SND1: variants seen among roughly 807,000 people sequenced by gnomAD.
SND1 encodes staphylococcal nuclease domain-containing protein 1.
Under a neutral mutation model 121.7 loss-of-function variants are expected in SND1, and 38 were observed. The ratio of observed to expected loss-of-function variants is 0.31; its 90% CI spans 0.24 to 0.41. The LOEUF (loss-of-function observed/expected upper bound fraction) is 0.41, where lower values mean the gene tolerates loss of function less well. Ranked by LOEUF, SND1 falls within the 10% of genes least tolerant of loss-of-function variation. The probability of loss-of-function intolerance (pLI) is 1.00; values close to 1 mark genes in which losing one functional copy is unlikely to be tolerated. For synonymous variants in SND1, 401 were observed against 447.4 expected, an observed-to-expected ratio of 0.90 and a Z score of 1.31; for missense variants, 868 against 1,184.6, an observed-to-expected ratio of 0.73 and a Z score of 3.92.
chr7:128,031,596 G>A (rs1172359611), intron 16 of SND1: 3 of 149,860 alleles, frequency 2.0e-5, no homozygotes, highest in Non-Finnish European at 4.5e-5. Context: ...ACGCGGGGCG[G>A]CGCTCCGTCC....
chr7:128,034,371 T>C (rs1344534232), intron 16 of SND1, among the ~76,000 whole-genome samples: 1 of 152,164 alleles, frequency 6.6e-6, no homozygotes, highest in African/African-American at 2.4e-5. Context: ...ACTCAGACTT[T>C]CTGGTGAGAG....
intron 14 of SND1, among the ~76,000 whole-genome samples, chr7:127,920,438 C>T (rs1394996256): frequency 6.6e-6 from 1 of 152,104 alleles, no homozygotes; most frequent in Non-Finnish European, 1.5e-5. Context: ...GGAGGAAGCT[C>T]TCTAACTGGA....
intron 15 of SND1, among the ~76,000 whole-genome samples, chr7:127,941,578 G>A (rs1273922397): frequency 6.6e-6 from 1 of 152,086 alleles, no homozygotes; most frequent in East Asian, 1.9e-4. Flanking sequence ...GTTAATTTGG[G>A]TGTTTTTATT....
chr7:127,670,469 A>G (rs1047962357), intron 1 of SND1, among the ~76,000 whole-genome samples: 6 of 152,150 alleles, frequency 3.9e-5, no homozygotes, highest in Admixed American at 3.3e-4. Flanking sequence ...AAAGACAGCC[A>G]ACTCTCAAGA....
chr7:127,716,639 A>T (rs538543330), intron 9 of SND1, among the ~76,000 whole-genome samples: 1 of 152,298 alleles, frequency 6.6e-6, no homozygotes, highest in Admixed American at 6.5e-5. Context: ...ATCTGGGAAC[A>T]GTGATAATTT....
At chr7:127,798,211 T>C (rs1457853289) in intron 10 of SND1, among the ~76,000 whole-genome samples, 1 of 152,228 alleles carries the variant, frequency 6.6e-6, no homozygotes, top group Non-Finnish European at 1.5e-5. Context: ...TCTTTGGTCC[T>C]GTGAAACTCT....
At chr7:127,690,181 T>C (rs1795889465) in intron 2 of SND1, among the ~76,000 whole-genome samples, 1 of 152,174 alleles carries the variant, frequency 6.6e-6, no homozygotes, top group Non-Finnish European at 1.5e-5. Flanking sequence ...CAGTGGTTCC[T>C]CATATTCCAA....
chr7:127,905,313 T>G (rs1416339250), intron 14 of SND1, among the ~76,000 whole-genome samples: 2 of 152,142 alleles, frequency 1.3e-5, no homozygotes, highest in African/African-American at 4.8e-5. Context: ...TAATTACATA[T>G]AGATAATAAA....
At chr7:128,032,763 C>T (rs551763759) in intron 16 of SND1, among the ~76,000 whole-genome samples, 5 of 152,284 alleles carry the variant, frequency 3.3e-5, no homozygotes, top group Non-Finnish European at 7.4e-5. Flanking sequence ...ACCGAGAGCC[C>T]GGGCTTCGCT....
rs772543841 is a variant in SND1, at chr7:127,721,314, A to G, written c.1066A>G (p.Ile356Val). The change falls in exon 10 of 24, where the codon ATT becomes GTT. Residue 356 changes from isoleucine (I) to valine (V), a missense_variant. Around this residue, in one of 2 missense-constraint regions of SND1, gnomAD observed 743 missense variants for 1,071.3 expected, o/e 0.69. Coordinates refer to ENST00000354725, the MANE Select transcript of SND1 (RefSeq NM_014390.4). ...KVMQVLNADA[I>V]VVKLNSGDYK... ...GATGCAGGTTCTGAATGCTGATGCC[A>G]TTGTTGTGAAGCTGAACTCAGGCGA... The G allele has an allele frequency of 2.4e-5, 38 of 1,613,488 alleles. No individual in the cohort carries two copies. The highest frequency in any genetic ancestry group is 1.6e-4 in the Middle Eastern group (1 of 6,084).
chr7:127,850,890 G>A (rs1267749374), intron 12 of SND1, among the ~76,000 whole-genome samples: 3 of 152,194 alleles, frequency 2.0e-5, no homozygotes, highest in African/African-American at 7.2e-5. Flanking sequence ...CTCAAGCATA[G>A]CAATCATTTT....
intron 16 of SND1, among the ~76,000 whole-genome samples, chr7:128,038,074 A>C (rs1480195750): frequency 6.6e-6 from 1 of 152,250 alleles, no homozygotes; most frequent in Non-Finnish European, 1.5e-5. Flanking sequence ...AGAGCTATGA[A>C]TAGAGTGGCT....
intron 12 of SND1, among the ~76,000 whole-genome samples, chr7:127,882,079 CCT>C (rs1563046026): frequency 6.6e-6 from 1 of 151,816 alleles, no homozygotes; most frequent in African/African-American, 2.4e-5. Context: ...ATAGCAAGCC[CCT>C]GTCTCTACAG....
At chr7:127,911,047 C>A (rs1345030444) in intron 14 of SND1, among the ~76,000 whole-genome samples, 4 of 152,224 alleles carry the variant, frequency 2.6e-5, no homozygotes, top group African/African-American at 9.6e-5. Flanking sequence ...TGCCTGGAAG[C>A]CATGGTTGGT....
At chr7:127,752,441 A>C (rs1184315689) in intron 10 of SND1, among the ~76,000 whole-genome samples, 1 of 152,226 alleles carries the variant, frequency 6.6e-6, no homozygotes, top group Non-Finnish European at 1.5e-5. Flanking sequence ...TCGGAGACCC[A>C]GCCAGCCTTT....
intron 15 of SND1, among the ~76,000 whole-genome samples, chr7:127,937,192 C>A (rs541646835): frequency 1.3e-5 from 2 of 152,112 alleles, no homozygotes; most frequent in Admixed American, 6.5e-5. Context: ...AAGGTGGTAC[C>A]GCAGTAAGTT....
In SND1 at chr7:128,039,596, G is replaced by A. The variant is rs183442777; in HGVS notation, c.1780-34906G>A. ...GCCCCTTGCTGACAGATTTATGAAG[G>A]AGAGTTTTATGGAGGTATCATAAAG... is the stretch of plus-strand genomic sequence containing the variant. On this transcript the variant is annotated intron_variant, in intron 16 of 23. Transcript: ENST00000354725. Among the ~76,000 whole-genome samples, 10 of 152,156 alleles carry A rather than the reference G, an allele frequency of 6.6e-5. No homozygotes were observed. In the East Asian group the frequency reaches 1.9e-3, roughly 29 times the overall value.
intron 3 of SND1, among the ~76,000 whole-genome samples, chr7:127,695,504 G>A (rs1795990561): frequency 6.6e-6 from 1 of 152,132 alleles, no homozygotes; most frequent in South Asian, 2.1e-4. Flanking sequence ...GTAAGCCCTA[G>A]TTTCTTCATT....
At chr7:127,690,082 T>G (rs533936129) in intron 2 of SND1, among the ~76,000 whole-genome samples, 2 of 152,212 alleles carry the variant, frequency 1.3e-5, no homozygotes, top group South Asian at 4.2e-4. Flanking sequence ...AATAATAGTC[T>G]CTTTGCCCTC....
Sources: gnomAD v4.1 joint callset for allele counts (sites outside exome capture counted in the v4.1 genomes callset) on GRCh38, gnomAD v4.1.1 for gene constraint, gnomAD v4.1.1 regional missense constraint, MANE v1.5 for transcripts, NCBI Gene and HGNC (gene_info 2026-07-23, HGNC 2026-07-21) for gene names.